CTTNBP2: variants seen among roughly 807,000 people sequenced by gnomAD.
The protein encoded by CTTNBP2 is cortactin binding protein 2.
A neutral mutation model predicts 156.9 loss-of-function variants in CTTNBP2; 108 were observed. That is an observed-to-expected ratio of 0.69 (90% CI 0.59 to 0.81). The LOEUF (loss-of-function observed/expected upper bound fraction) is 0.81, where lower values mean the gene tolerates loss of function less well. Among genes scored for constraint, CTTNBP2 ranks in the 30% least tolerant of loss-of-function variants. The pLI, the probability that CTTNBP2 is intolerant of heterozygous loss-of-function variation, is 0.00. For synonymous variants in CTTNBP2, 767 were observed against 751.8 expected, an observed-to-expected ratio of 1.02 and a Z score of -0.33; for missense variants, 1,924 against 2,035.4, an observed-to-expected ratio of 0.95 and a Z score of 1.05.
chr7:117,773,678 CA>C, intron 8 of CTTNBP2, among the ~76,000 whole-genome samples: 1 of 150,210 alleles, frequency 6.7e-6, no homozygotes, highest in African/African-American at 2.5e-5. Context: ...CACACACACA[CA>C]CACACACACA....
chr7:117,779,802 C>T (rs1328738525), intron 7 of CTTNBP2, among the ~76,000 whole-genome samples: 1 of 151,304 alleles, frequency 6.6e-6, no homozygotes, highest in South Asian at 2.1e-4. Context: ...CTCTTTTCTC[C>T]CAGGCTGGAG....
At position 117,717,930 on chromosome 7, in the gene CTTNBP2, ACT is replaced by A. The variant is rs765577826; in HGVS notation, c.4746+86_4746+87del. 92 of 815,158 alleles carry A rather than the reference ACT, an allele frequency of 1.1e-4. 1 individual carries two copies. The highest frequency in any genetic ancestry group is 4.2e-4 in the East Asian group (17 of 40,078). 50.5% of individuals were successfully genotyped at this position (815,158 alleles called of 1,614,324 possible). ...TTCTTAGCTTTGGTTTAAAAAAATA[ACT>A]CTGTGATTCACACTGAAAGATGATT... On this transcript the variant is annotated intron_variant, in intron 22 of 22. Transcript: ENST00000160373.
intron 2 of CTTNBP2, among the ~76,000 whole-genome samples, chr7:117,830,186 T>C (rs1293203326): frequency 1.3e-5 from 2 of 152,240 alleles, no homozygotes; most frequent in Non-Finnish European, 2.9e-5. Context: ...CATTTTTCAA[T>C]GTTAAAATGA....
chr7:117,751,315 G>C (rs1029280507), intron 12 of CTTNBP2, among the ~76,000 whole-genome samples: 1 of 152,190 alleles, frequency 6.6e-6, no homozygotes, highest in African/African-American at 2.4e-5. Context: ...CATAGTGTGA[G>C]GAAAAGGAAC....
chr7:117,728,247 G>T lies in CTTNBP2; in HGVS notation c.3897C>A (p.Ser1299=). 1 of 1,613,688 alleles carries T rather than the reference G, an allele frequency of 6.2e-7. No individual in the cohort carries two copies. Among genetic ancestry groups the T allele is most frequent in the Non-Finnish European group, 8.5e-7 (1 of 1,179,754 alleles). The stretch of plus-strand genomic sequence containing the variant: ...CAATCTTGCACACAGGATCGCAGGG[G>T]GAGGGCGCCTGACCTTTGAACTAGA... ...VVNKFKGQAP[S]PCDPVCKIVD... Residue 1299 remains serine, a synonymous_variant, in exon 17 of 23, where the codon TCC becomes TCA. Coordinates refer to ENST00000160373, the MANE Select transcript of CTTNBP2 (RefSeq NM_033427.3).
rs369290061 is a variant in CTTNBP2 at position 117,757,928 on chromosome 7, G to A, written c.3215C>T (p.Pro1072Leu). The stretch of plus-strand genomic sequence containing the variant: ...CTTATTCTTCCTCATAAAGTCCCAC[G>A]GGGACTGCGCGAAGCTCTGACCCAC... ...WSVGQSFAQS[P>L]WDFMRKNKAE... The change falls in exon 11 of 23, where the codon CCG (proline) becomes CTG (leucine). Residue 1072 changes from proline to leucine, a missense_variant. Transcript: ENST00000160373. 19 of 1,613,316 alleles carry A rather than the reference G, an allele frequency of 1.2e-5. No individual in the cohort carries two copies. Among genetic ancestry groups the A allele is most frequent in the East Asian group, 2.2e-5 (1 of 44,822 alleles).
chr7:117,831,039 T>C (rs1396715138), intron 2 of CTTNBP2, among the ~76,000 whole-genome samples: 1 of 152,182 alleles, frequency 6.6e-6, no homozygotes, highest in Non-Finnish European at 1.5e-5. Flanking sequence ...GTGTATGAAA[T>C]ATTTATTGGC....
rs142445194 is a variant in CTTNBP2, at chr7:117,852,983, A to T, written c.189+8226T>A. ...ATTAGCTTTACTTTCTCTGTTCCTA[A>T]AGTAGGGGTACTACCACTGATCTCA... On this transcript the variant is annotated intron_variant, in intron 2 of 22. Transcript: ENST00000160373. Among the ~76,000 whole-genome samples the T allele has an allele frequency of 2.0e-5, 3 of 152,236 alleles. No homozygotes were observed. In the East Asian group the frequency reaches 5.8e-4, roughly 29 times the overall value.
Position 117,760,450 on chromosome 7 carries a change from G to GTATA in CTTNBP2, c.3156_3157insTATA (p.Arg1053TyrfsTer29), listed in dbSNP as rs756116681. 6.2e-7 allele frequency: 1 copy of GTATA among 1,613,904 alleles called. No homozygotes were observed. Among genetic ancestry groups the GTATA allele is most frequent in the East Asian group, 2.2e-5 (1 of 44,872 alleles). On this transcript the variant is annotated frameshift_variant, in exon 10 of 23. Transcript: ENST00000160373. LOFTEE classifies it high-confidence loss of function. ...CTGCTGATACCTAGCGTGATGGATC[G>GTATA]TATGCTTCTTGCACTGAGGCCGATG... is the stretch of plus-strand genomic sequence containing the variant.
At chr7:117,805,818 A>C (rs1799906336) in intron 3 of CTTNBP2, among the ~76,000 whole-genome samples, 1 of 152,204 alleles carries the variant, frequency 6.6e-6, no homozygotes, top group South Asian at 2.1e-4. Flanking sequence ...TAATTTGTTC[A>C]CACATTATCA....
At chr7:117,786,760 G>A (rs1386027837) in intron 4 of CTTNBP2, among the ~76,000 whole-genome samples, 2 of 152,118 alleles carry the variant, frequency 1.3e-5, no homozygotes, top group Non-Finnish European at 2.9e-5. Context: ...GGCTTTTGAG[G>A]GGAGGAGACA....
At position 117,784,497 on chromosome 7, in the gene CTTNBP2, C is replaced by T. The variant is rs370472231; in HGVS notation, c.2069-43G>A. On this transcript the variant is annotated intron_variant, in intron 4 of 22. Coordinates refer to ENST00000160373, the MANE Select transcript of CTTNBP2 (RefSeq NM_033427.3). Reference sequence around the variant, plus strand: ...CCTCGTTAGAGAGTAGGAGCAAGGACAAGAGACAGATATTACCCATTCCTT... The same window carrying T: ...CCTCGTTAGAGAGTAGGAGCAAGGATAAGAGACAGATATTACCCATTCCTT... 4 of 1,415,536 alleles carry T rather than the reference C, an allele frequency of 2.8e-6. No individual in the cohort carries two copies. In the African/African-American group the frequency reaches 4.3e-5, roughly 15 times the overall value. The allele number at this position is 1,415,536 out of a possible 1,614,324, so 87.7% of individuals were successfully genotyped here.
chr7:117,811,898 T>A (rs1206245008), intron 2 of CTTNBP2, among the ~76,000 whole-genome samples: 1 of 130,688 alleles, frequency 7.7e-6, no homozygotes, highest in Non-Finnish European at 1.6e-5. Context: ...TGTAAAAATT[T>A]TAATTAAATT....
rs751681284 is a variant in CTTNBP2 at position 117,767,101 on chromosome 7, C to T, written c.2854G>A (p.Asp952Asn). ...TGCTTGCAGTCATCAGTGGCAACATCATGCACAGTCCGATTGCACTTGTCT... is the reference window on the plus strand; with the variant it reads ...TGCTTGCAGTCATCAGTGGCAACATTATGCACAGTCCGATTGCACTTGTCT... ...RRDKCNRTVH[D>N]VATDDCKHLL... Residue 952 changes from aspartate to asparagine, a missense_variant, in exon 9 of 23, where the codon GAT becomes AAT. By Grantham distance (23) the Asp-to-Asn change is conservative. Coordinates refer to ENST00000160373, the MANE Select transcript of CTTNBP2 (RefSeq NM_033427.3). 2.5e-6 allele frequency: 4 copies of T among 1,611,828 alleles called. No homozygotes were observed. Among genetic ancestry groups the T allele is most frequent in the Non-Finnish European group, 2.5e-6 (3 of 1,178,012 alleles).
chr7:117,805,715 C>A (rs760458640), intron 3 of CTTNBP2, among the ~76,000 whole-genome samples: 3 of 151,936 alleles, frequency 2.0e-5, no homozygotes, highest in Admixed American at 2.0e-4. Context: ...AAAGTAGTTT[C>A]CAGTACTACT....
At chr7:117,853,618 A>T (rs1470920674) in intron 2 of CTTNBP2, among the ~76,000 whole-genome samples, 2 of 152,198 alleles carry the variant, frequency 1.3e-5, no homozygotes, top group African/African-American at 4.8e-5. Context: ...ACTGTTAATT[A>T]GACTGACAGT....
chr7:117,819,741 C>T (rs1800842672), intron 2 of CTTNBP2, among the ~76,000 whole-genome samples: 1 of 152,102 alleles, frequency 6.6e-6, no homozygotes, highest in African/African-American at 2.4e-5. Flanking sequence ...TCCCTCTCAC[C>T]TCCCACCTTC....
intron 12 of CTTNBP2, chr7:117,755,264 A>G (rs1202938918): frequency 4.6e-6 from 1 of 215,314 alleles, no homozygotes; most frequent in African/African-American, 2.4e-5. Flanking sequence ...ACAAAAGCTA[A>G]TCCTAACTGT....
rs755910571 is a variant in CTTNBP2 at position 117,735,092 on chromosome 7, G to T, written c.3697C>A (p.Leu1233Met). 7 of 1,610,814 alleles carry T rather than the reference G, an allele frequency of 4.3e-6. No individual in the cohort carries two copies. In the East Asian group the frequency reaches 1.3e-4, roughly 31 times the overall value. The change falls in exon 16 of 23, where the codon CTG (leucine) becomes ATG (methionine). Residue 1233 changes from leucine (L) to methionine (M), a missense_variant. Physicochemically the swap from Leu to Met is conservative, Grantham distance 15. Transcript: ENST00000160373. The part of the protein sequence containing the change: ...SPCTFQKGNG[L>M]SECYYFHENC... ...TCATGAAAGTAATAACATTCGGACA[G>T]TCCATTTCCTGAAACAAACCAAAAA...
Sources: allele counts gnomAD v4.1 joint callset (sites outside exome capture counted in the v4.1 genomes callset), GRCh38; gene constraint gnomAD v4.1.1; transcripts MANE v1.5; gene names NCBI Gene and HGNC (gene_info 2026-07-23, HGNC 2026-07-21).